Variants in NRDC observed in about 807,000 individuals in gnomAD.
NRDC encodes the protein nardilysin convertase, also known as nardilysin.
Under a neutral mutation model 147.1 loss-of-function variants are expected in NRDC, and 54 were observed. The observed-to-expected ratio is 0.37, with a 90% confidence interval of 0.29 to 0.46. The LOEUF (loss-of-function observed/expected upper bound fraction) is 0.46. Ranked by LOEUF, NRDC falls within the 20% of genes least tolerant of loss-of-function variation. The probability of loss-of-function intolerance (pLI) is 1.00; values close to 1 mark genes in which losing one functional copy is unlikely to be tolerated. For missense variants in NRDC, 1,082 were observed against 1,370.6 expected (o/e 0.79, Z 3.33); for synonymous variants, 440 against 482.1 (o/e 0.91, Z 1.14).
At chr1:51,869,833 G>C (rs1682998432) in intron 1 of NRDC, among the ~76,000 whole-genome samples, 1 of 152,190 alleles carries the variant, frequency 6.6e-6, no homozygotes, top group African/African-American at 2.4e-5. Flanking sequence ...TGTAGTATTT[G>C]TATCATTTGC....
In NRDC at chr1:51,873,477, A is replaced by T. The variant is rs1369464334; in HGVS notation, c.341+4798T>A. Among the ~76,000 whole-genome samples, 3 of 125,868 alleles carry T rather than the reference A, an allele frequency of 2.4e-5. No individual in the cohort carries two copies. The Admixed American group carries it at 2.6e-4, about 11-fold the overall frequency. 82.6% of individuals were successfully genotyped at this position (125,868 alleles called of 152,430 possible). ...CCCATTATTTTCTATAATATATGGAATTTTTATTTATTTATTTATTTATTT... is the reference window on the plus strand; with the variant it reads ...CCCATTATTTTCTATAATATATGGATTTTTTATTTATTTATTTATTTATTT... On this transcript the variant is annotated intron_variant, in intron 1 of 30. Coordinates refer to ENST00000352171, the MANE Select transcript of NRDC (RefSeq NM_001101662.2).
intron 14 of NRDC, 91 bp from the exon 15 acceptor site, chr1:51,812,189 A>G (rs1679754749): frequency 1.1e-6 from 1 of 890,388 alleles, no homozygotes; most frequent in Non-Finnish European, 1.8e-6. Flanking sequence ...CTTTCTTATT[A>G]ACAATAAAAC....
At chr1:51,846,698 C>G (rs1288000726) in intron 1 of NRDC, among the ~76,000 whole-genome samples, 2 of 152,180 alleles carry the variant, frequency 1.3e-5, no homozygotes, top group Non-Finnish European at 2.9e-5. Context: ...TGAACACCAA[C>G]AAGATTTATC....
At chr1:51,847,333 C>T (rs1165845371) in intron 1 of NRDC, among the ~76,000 whole-genome samples, 4 of 152,268 alleles carry the variant, frequency 2.6e-5, no homozygotes, top group African/African-American at 4.8e-5. Flanking sequence ...GATCCAGCAC[C>T]GGGCCAGCAG....
In NRDC at chr1:51,874,751, C is replaced by A. The variant is rs1389284912; in HGVS notation, c.341+3524G>T. 2.6e-5 allele frequency among the ~76,000 whole-genome samples: 4 copies of A among 152,132 alleles called. No homozygotes were observed. In the East Asian group the frequency reaches 7.7e-4, roughly 29 times the overall value. On this transcript the variant is annotated intron_variant, in intron 1 of 30. Coordinates refer to ENST00000352171, the MANE Select transcript of NRDC (RefSeq NM_001101662.2). ...TAACCCTTCCAGAAGGGAAGGGAAT[C>A]AATACTTGGTAAGCATTTAATACAG...
At chr1:51,815,628 T>C (rs1001396090) in intron 11 of NRDC, among the ~76,000 whole-genome samples, 4 of 152,188 alleles carry the variant, frequency 2.6e-5, no homozygotes, top group Non-Finnish European at 4.4e-5. Flanking sequence ...TATTATTTTA[T>C]AGTTAACTCT....
Position 51,840,218 on chromosome 1 carries a change from A to T in NRDC, c.630+8T>A. 1 of 1,587,120 alleles carries T rather than the reference A, an allele frequency of 6.3e-7. No homozygotes were observed. Among genetic ancestry groups the T allele is most frequent in the Non-Finnish European group, 8.6e-7 (1 of 1,169,008 alleles). On this transcript the variant is annotated splice_region_variant and intron_variant, in intron 2 of 30. Coordinates refer to ENST00000352171, the MANE Select transcript of NRDC (RefSeq NM_001101662.2). ...CCCAAATTAGAAGAAAACAGACATG[A>T]CTCGCACCTGTTTTTCAGTAGTTTT... is the stretch of plus-strand genomic sequence containing the variant.
At position 51,878,724 on chromosome 1, in the gene NRDC, G is replaced by T; in HGVS notation, c.-109C>A. 1.1e-6 allele frequency: 1 copy of T among 939,996 alleles called. No homozygotes were observed. The highest frequency in any genetic ancestry group is 1.6e-6 in the Non-Finnish European group (1 of 634,726). The allele number at this position is 939,996 out of a possible 1,614,324, so 58.2% of individuals were successfully genotyped here. A position where few individuals can be genotyped will look rare whatever the true frequency, so the allele number is the denominator to read the frequency against. On this transcript the variant is annotated 5_prime_UTR_variant, in exon 1 of 31. Coordinates refer to ENST00000352171, the MANE Select transcript of NRDC (RefSeq NM_001101662.2). ...GTGCTGCCGCAGCCGCGGGGAACAG[G>T]CCTGAACCCCTCCCCCAACCCAGTC...
At chr1:51,853,685 T>C (rs541109368) in intron 1 of NRDC, among the ~76,000 whole-genome samples, 24 of 152,284 alleles carry the variant, frequency 1.6e-4, no homozygotes, top group African/African-American at 5.5e-4. Context: ...TCTTAGATAA[T>C]AGGATAGCCT....
chr1:51,834,661 T>C (rs1200854325), intron 3 of NRDC, among the ~76,000 whole-genome samples: 1 of 152,096 alleles, frequency 6.6e-6, no homozygotes, highest in Non-Finnish European at 1.5e-5. Context: ...AACTTTCTAT[T>C]ATGCTCATGT....
At chr1:51,805,234 T>C (rs893676273) in intron 19 of NRDC, among the ~76,000 whole-genome samples, 2 of 152,220 alleles carry the variant, frequency 1.3e-5, no homozygotes, top group Non-Finnish European at 2.9e-5. Context: ...AACTGATCTT[T>C]AAGGACTTTT....
intron 1 of NRDC, among the ~76,000 whole-genome samples, chr1:51,849,015 G>A (rs1008596616): frequency 6.6e-6 from 1 of 152,070 alleles, no homozygotes; most frequent in Non-Finnish European, 1.5e-5. Context: ...TATATTACTG[G>A]GTGGGAACAT....
chr1:51,878,343 C>G lies in NRDC; in HGVS notation c.273G>C (p.Arg91=). The G allele has an allele frequency of 1.2e-6, 2 of 1,614,228 alleles. No individual in the cohort carries two copies. The highest frequency in any genetic ancestry group is 1.3e-5 in the African/African-American group (1 of 75,072). Reference sequence around the variant, plus strand: ...CCCCAGCATTACTGAGAGACCCCCTCCGTCCCTCTTCCTCAGATTCATCCG... The same window carrying G: ...CCCCAGCATTACTGAGAGACCCCCTGCGTCCCTCTTCCTCAGATTCATCCG... ...LGADESEEEG[R]RGSLSNAGDP... is the part of the protein sequence containing the mutation. Residue 91 remains arginine, a synonymous_variant, in exon 1 of 31, where the codon CGG becomes CGC. Coordinates refer to ENST00000352171, the MANE Select transcript of NRDC (RefSeq NM_001101662.2).
chr1:51,821,418 C>T, intron 8 of NRDC, 80 bp downstream of exon 8: 1 of 938,046 alleles, frequency 1.1e-6, no homozygotes, highest in Non-Finnish European at 1.6e-6. Flanking sequence ...AATAAAAAAG[C>T]AAAAAACCTT....
intron 1 of NRDC, among the ~76,000 whole-genome samples, chr1:51,850,817 G>A (rs1681910771): frequency 6.6e-6 from 1 of 152,168 alleles, no homozygotes; most frequent in African/African-American, 2.4e-5. Flanking sequence ...AATCATAGGG[G>A]AGGTCAGAAT....
chr1:51,792,995 T>G (rs1032045212), intron 24 of NRDC, among the ~76,000 whole-genome samples: 1 of 152,208 alleles, frequency 6.6e-6, no homozygotes, highest in Admixed American at 6.5e-5. Context: ...ATGTTGCTAG[T>G]GCCTCCCAGA....
chr1:51,829,029 T>C (rs1680582913), intron 4 of NRDC, among the ~76,000 whole-genome samples: 1 of 152,172 alleles, frequency 6.6e-6, no homozygotes, highest in African/African-American at 2.4e-5. Flanking sequence ...TTTCAGTACT[T>C]GGTATGATTA....
At chr1:51,833,503 A>C (rs1680811810) in intron 4 of NRDC, among the ~76,000 whole-genome samples, 1 of 152,148 alleles carries the variant, frequency 6.6e-6, no homozygotes, top group Non-Finnish European at 1.5e-5. Context: ...AAATTAATAA[A>C]ACCCAAAAGG....
Position 51,849,789 on chromosome 1 carries a change from C to T in NRDC, c.342-9275G>A, listed in dbSNP as rs370655270. ...CGAGATCGCGCCATTGCACTCCAGC[C>T]GGGGCGACAGAGCGAGACTCTGTCT... On this transcript the variant is annotated intron_variant, in intron 1 of 30. Transcript: ENST00000352171. 1.5e-4 allele frequency among the ~76,000 whole-genome samples: 23 copies of T among 151,520 alleles called. No individual in the cohort carries two copies. The East Asian group carries it at 2.1e-3, about 14-fold the overall frequency.
Sources: gnomAD v4.1 joint callset for allele counts (sites outside exome capture counted in the v4.1 genomes callset) on GRCh38, gnomAD v4.1.1 for gene constraint, MANE v1.5 for transcripts, NCBI Gene and HGNC (gene_info 2026-07-23, HGNC 2026-07-21) for gene names.